Variants in KANSL3 observed in about 807,000 individuals in gnomAD.
The protein encoded by KANSL3 is NSL complex protein NSL3.
In KANSL3, 16 loss-of-function variants were observed where a neutral mutation model predicts 89.2. The observed-to-expected ratio is 0.18, with a 90% CI of 0.12 to 0.27. The LOEUF is 0.27. Among genes scored for constraint, KANSL3 ranks in the 10% least tolerant of loss-of-function variants. The pLI is 1.00. For synonymous variants in KANSL3, 385 were observed against 419.7 expected (o/e 0.92, Z 1.01); for missense variants, 879 against 1,110.6 (o/e 0.79, Z 2.96).
In KANSL3 at chr2:96,595,648, A is replaced by G; in HGVS notation, c.2617-17T>C. The G allele has an allele frequency of 6.2e-7, 1 of 1,613,580 alleles. No homozygotes were observed. Among genetic ancestry groups the G allele is most frequent in the Non-Finnish European group, 8.5e-7 (1 of 1,179,670 alleles). On this transcript the variant is annotated splice_polypyrimidine_tract_variant and intron_variant, in intron 20 of 20. Coordinates refer to ENST00000431828, the MANE Select transcript of KANSL3 (RefSeq NM_001115016.3). ...AGGCAGGCGCTGTGGCAGGAGAGGT[A>G]GTGAAGAAGGGTCAAAGCTTTGACA...
At chr2:96,607,763 C>CGTCT (rs2068228181) in intron 14 of KANSL3, among the ~76,000 whole-genome samples, 1 of 152,198 alleles carries the variant, frequency 6.6e-6, no homozygotes, top group Non-Finnish European at 1.5e-5. Flanking sequence ...ATCCCCTCCA[C>CGTCT]GTCTGTCTGC....
chr2:96,613,698 G>C, intron 5 of KANSL3, 79 bp from the exon 6 acceptor site: 3 of 1,391,230 alleles, frequency 2.2e-6, no homozygotes, highest in Non-Finnish European at 3.0e-6. Flanking sequence ...CAGAAGAACA[G>C]AGCCCCACTA....
At chr2:96,620,397 A>G (rs1466127738) in intron 3 of KANSL3, among the ~76,000 whole-genome samples, 1 of 152,214 alleles carries the variant, frequency 6.6e-6, no homozygotes, top group African/African-American at 2.4e-5. Context: ...GGCCTGCTCC[A>G]TATAAGCTAA....
chr2:96,601,152 C>T (rs917750038), intron 20 of KANSL3: 26 of 313,480 alleles, frequency 8.3e-5, no homozygotes, highest in Non-Finnish European at 1.2e-4. Context: ...CCTGTAATCC[C>T]AGTTACTTGG....
intron 20 of KANSL3, among the ~76,000 whole-genome samples, chr2:96,597,075 G>C (rs944628781): frequency 3.9e-5 from 6 of 152,136 alleles, no homozygotes; most frequent in African/African-American, 1.4e-4. Flanking sequence ...AAGTCTAGTT[G>C]GTGTTCACTT....
chr2:96,590,642 T>C (rs902578061), downstream of KANSL3, among the ~76,000 whole-genome samples: 3 of 151,400 alleles, frequency 2.0e-5, no homozygotes, highest in Non-Finnish European at 4.4e-5. Context: ...ATCACACTCC[T>C]GGTTATTTAC....
intron 14 of KANSL3, among the ~76,000 whole-genome samples, chr2:96,608,095 T>G (rs2105312709): frequency 6.6e-6 from 1 of 152,306 alleles, no homozygotes; most frequent in East Asian, 1.9e-4. Context: ...AGTCTCAGTG[T>G]GAGAATCTTA....
At chr2:96,606,329 T>C (rs1251038323) in intron 14 of KANSL3, 2 of 152,652 alleles carry the variant, frequency 1.3e-5, no homozygotes, top group Non-Finnish European at 2.9e-5. Flanking sequence ...CCAAGCTTTT[T>C]GGACTCTTAG....
rs757075136 is a variant in KANSL3, at chr2:96,610,754, C to T, written c.1291G>A (p.Val431Met). 1.2e-5 allele frequency: 19 copies of T among 1,614,028 alleles called. No homozygotes were observed. The highest frequency in any genetic ancestry group is 1.5e-5 in the Non-Finnish European group (18 of 1,179,900). ...AGATTGTCATCAGCTCCCCCAACCA[C>T]CACCAAGCTGTTCTCAGCTCGAATC... ...EKIRAENSLV[V>M]VGGADDNLRI... The change falls in exon 11 of 21, where the codon GTG becomes ATG. Residue 431 changes from valine to methionine, a missense_variant. Coordinates refer to ENST00000431828, the MANE Select transcript of KANSL3 (RefSeq NM_001115016.3).
chr2:96,611,025 C>A (rs754571563), intron 10 of KANSL3, 39 bp downstream of exon 10: 1 of 1,602,516 alleles, frequency 6.2e-7, no homozygotes, highest in Non-Finnish European at 8.6e-7. Flanking sequence ...CGCGCTCCCA[C>A]TGCCAATGAC....
chr2:96,629,263 T>C (rs2072949276), intron 3 of KANSL3, among the ~76,000 whole-genome samples: 1 of 151,846 alleles, frequency 6.6e-6, no homozygotes, highest in Admixed American at 6.6e-5. Flanking sequence ...ACTCTAGCAA[T>C]ATTCCAGTAG....
Position 96,612,531 on chromosome 2 carries a change from A to C in KANSL3, c.945T>G (p.Asn315Lys). ...VIPVATHLLN[N>K]GSGVGVLQCL... ...ACTGTAGAACTCCTACCCCACTGCCATTGTTCAGCAGATGGGTGGCTACAG... is the reference window on the plus strand; with the variant it reads ...ACTGTAGAACTCCTACCCCACTGCCCTTGTTCAGCAGATGGGTGGCTACAG... Residue 315 changes from asparagine to lysine, a missense_variant, in exon 8 of 21, where the codon AAT (asparagine) becomes AAG (lysine). This residue lies in a region of KANSL3 where 198 missense variants were observed against 260.3 expected (regional missense o/e 0.76). Transcript: ENST00000431828. 1 of 1,613,940 alleles carries C rather than the reference A, an allele frequency of 6.2e-7. No homozygotes were observed. The highest frequency in any genetic ancestry group is 1.3e-5 in the African/African-American group (1 of 75,024).
intron 2 of KANSL3, chr2:96,631,683 T>C (rs2073414978): frequency 6.0e-6 from 4 of 666,770 alleles, no homozygotes; most frequent in South Asian, 1.6e-5. Context: ...TGATGGTATG[T>C]ACTGGAAGAA....
chr2:96,585,343 A>G, the KANSL3 span, among the ~76,000 whole-genome samples: 2 of 152,202 alleles, frequency 1.3e-5, no homozygotes, highest in African/African-American at 4.8e-5. Flanking sequence ...AATTCTCAAG[A>G]TATGCAAATG....
At position 96,595,603 on chromosome 2, in the gene KANSL3, C is replaced by T; in HGVS notation, c.*8G>A. 2 of 1,613,726 alleles carry T rather than the reference C, an allele frequency of 1.2e-6. No individual in the cohort carries two copies. Among genetic ancestry groups the T allele is most frequent in the Non-Finnish European group, 1.7e-6 (2 of 1,179,760 alleles). ...AACTTGGTAAGGAGGACATATCACA[C>T]AGCATCTTCAGGGTGCTGGAGGCAG... On this transcript the variant is annotated 3_prime_UTR_variant, in exon 21 of 21. Coordinates refer to ENST00000431828, the MANE Select transcript of KANSL3 (RefSeq NM_001115016.3).
intron 3 of KANSL3, among the ~76,000 whole-genome samples, chr2:96,627,330 T>G (rs1200674519): frequency 6.6e-6 from 1 of 152,068 alleles, no homozygotes; most frequent in African/African-American, 2.4e-5. Flanking sequence ...TTCTCCTGCC[T>G]CAGCCTCCCG....
chr2:96,595,885 G>A (rs1417072220), intron 20 of KANSL3, among the ~76,000 whole-genome samples: 19 of 152,110 alleles, frequency 1.2e-4, no homozygotes, highest in Admixed American at 9.2e-4. Flanking sequence ...CCTTTTCCTC[G>A]CCTGTAAGAG....
chr2:96,599,047 G>A (rs574169177), intron 20 of KANSL3, among the ~76,000 whole-genome samples: 6 of 150,810 alleles, frequency 4.0e-5, no homozygotes, highest in Non-Finnish European at 7.4e-5. Context: ...ACTAGAAACA[G>A]AATTGACACT....
At chr2:96,613,386 T>G in intron 6 of KANSL3, 102 bp downstream of exon 6, 1 of 906,806 alleles carries the variant, frequency 1.1e-6, no homozygotes, top group Non-Finnish European at 1.6e-6. Context: ...ATAATAATAA[T>G]AATAAATAGT....
Sources: allele counts gnomAD v4.1 joint callset (sites outside exome capture counted in the v4.1 genomes callset), GRCh38; gene constraint gnomAD v4.1.1; regional missense constraint gnomAD v4.1.1; transcripts MANE v1.5; gene names NCBI Gene and HGNC (gene_info 2026-07-23, HGNC 2026-07-21).